NLGN1: variants seen among roughly 807,000 people sequenced by gnomAD.
NLGN1 encodes neuroligin-1.
In NLGN1, 12 loss-of-function variants were observed where a neutral mutation model predicts 65.5. The ratio of observed to expected loss-of-function variants is 0.18; its 90% CI spans 0.12 to 0.30. NLGN1 has a LOEUF of 0.30. Among genes scored for constraint, NLGN1 ranks in the 10% least tolerant of loss-of-function variants. NLGN1 has a pLI of 1.00. For synonymous variants in NLGN1, 350 were observed against 359.5 expected (o/e 0.97, Z 0.30); for missense variants, 750 against 1,007.1 (o/e 0.74, Z 3.46).
chr3:174,254,288 TA>T (rs1745264513), intron 4 of NLGN1, among the ~76,000 whole-genome samples: 1 of 150,348 alleles, frequency 6.7e-6, no homozygotes, highest in Non-Finnish European at 1.5e-5. Flanking sequence ...TGTGATTTCT[TA>T]GGAAAAGTCC....
At chr3:173,600,171 A>G (rs1750203472) in intron 2 of NLGN1, among the ~76,000 whole-genome samples, 1 of 121,336 alleles carries the variant, frequency 8.2e-6, no homozygotes, top group Admixed American at 8.7e-5. Flanking sequence ...GTATGTGGGT[A>G]TATCTATGTA....
intron 4 of NLGN1, 96 bp downstream of exon 4, chr3:173,807,928 C>A: frequency 3.9e-6 from 5 of 1,294,494 alleles, no homozygotes; most frequent in South Asian, 1.3e-5. Context: ...TTGTTTCACC[C>A]ATTTTTTTAT....
intron 2 of NLGN1, among the ~76,000 whole-genome samples, chr3:173,535,879 T>G (rs1030379666): frequency 1.3e-5 from 2 of 152,164 alleles, no homozygotes; most frequent in East Asian, 1.9e-4. Flanking sequence ...CACAGATGAA[T>G]TTTGATAGAA....
At chr3:174,179,184 T>G (rs1321654836) in intron 4 of NLGN1, among the ~76,000 whole-genome samples, 1 of 152,136 alleles carries the variant, frequency 6.6e-6, no homozygotes. Context: ...AATACTATTT[T>G]AAACTATTAA....
chr3:173,830,018 G>C (rs1346599154), intron 4 of NLGN1, among the ~76,000 whole-genome samples: 2 of 115,982 alleles, frequency 1.7e-5, no homozygotes, highest in Non-Finnish European at 3.7e-5. Flanking sequence ...GGGGGGGGGA[G>C]GGAGAGAATA....
rs1712227379 is a variant in NLGN1 at position 173,789,756 on chromosome 3, T to C, written c.494-17924T>C. On this transcript the variant is annotated intron_variant, in intron 3 of 6. Coordinates refer to ENST00000457714, the Ensembl canonical transcript of NLGN1. ...TTCACAATCTGGGCATAATGTACGG[T>C]GTTCCACACTCCGCCCATCCTTCCT... The C allele has an allele frequency of 1.6e-5, 7 of 444,894 alleles. 1 individual carries two copies. Among genetic ancestry groups the C allele is most frequent in the South Asian group, 1.1e-4 (7 of 61,782 alleles). 27.6% of individuals were successfully genotyped at this position (444,894 alleles called of 1,614,324 possible). A position where few individuals can be genotyped will look rare whatever the true frequency, so the allele number is the denominator to read the frequency against.
At chr3:173,559,651 CT>C (rs1223271563) in intron 2 of NLGN1, among the ~76,000 whole-genome samples, 1 of 152,124 alleles carries the variant, frequency 6.6e-6, no homozygotes, top group Non-Finnish European at 1.5e-5. Flanking sequence ...CAAGTAAATA[CT>C]TTAAATCAAA....
chr3:174,160,796 T>C (rs1726347771), intron 4 of NLGN1, among the ~76,000 whole-genome samples: 1 of 151,626 alleles, frequency 6.6e-6, no homozygotes, highest in Non-Finnish European at 1.5e-5. Flanking sequence ...TCAGTTCTTT[T>C]AATTATTTTA....
intron 3 of NLGN1, chr3:173,789,915 C>CA (rs1210640136): frequency 3.9e-6 from 2 of 507,938 alleles, no homozygotes; most frequent in Non-Finnish European, 7.9e-6. Context: ...CTATTGAGGA[C>CA]AAGGCACCTG....
At chr3:173,861,608 A>G (rs956434130) in intron 4 of NLGN1, among the ~76,000 whole-genome samples, 3 of 151,322 alleles carry the variant, frequency 2.0e-5, no homozygotes, top group African/African-American at 7.3e-5. Context: ...GTATGTATAT[A>G]TACATATAAT....
At chr3:173,648,880 A>G (rs895110963) in intron 3 of NLGN1, among the ~76,000 whole-genome samples, 3 of 152,090 alleles carry the variant, frequency 2.0e-5, no homozygotes, top group African/African-American at 7.2e-5. Context: ...CAGCCCTACT[A>G]TAAGATCCAA....
At chr3:174,028,817 A>G (rs111991452) in intron 4 of NLGN1, among the ~76,000 whole-genome samples, 13 of 152,222 alleles carry the variant, frequency 8.5e-5, no homozygotes, top group Non-Finnish European at 1.0e-4. Flanking sequence ...AGAGGTATTC[A>G]TGGCAGCCCC....
chr3:173,561,586 T>A (rs1206821427), intron 2 of NLGN1, among the ~76,000 whole-genome samples: 1 of 152,172 alleles, frequency 6.6e-6, no homozygotes, highest in Non-Finnish European at 1.5e-5. Context: ...ATTAAATATA[T>A]GTGGTAATAA....
intron 4 of NLGN1, among the ~76,000 whole-genome samples, chr3:174,142,326 T>C (rs1479190815): frequency 1.3e-5 from 2 of 152,220 alleles, no homozygotes; most frequent in African/African-American, 2.4e-5. Flanking sequence ...TCTTTCTTGA[T>C]TGGCATTTAG....
chr3:173,914,135 T>C (rs1740234381), intron 4 of NLGN1, among the ~76,000 whole-genome samples: 1 of 152,180 alleles, frequency 6.6e-6, no homozygotes. Context: ...CCCTAGGTAC[T>C]CCAACAGCCA....
chr3:173,728,128 T>G (rs532842694), intron 3 of NLGN1, among the ~76,000 whole-genome samples: 38 of 152,226 alleles, frequency 2.5e-4, no homozygotes, highest in Admixed American at 7.9e-4. Context: ...GTGGTTATAC[T>G]CATGTTAGTG....
At chr3:173,545,194 C>T (rs1190454924) in intron 2 of NLGN1, among the ~76,000 whole-genome samples, 2 of 152,146 alleles carry the variant, frequency 1.3e-5, no homozygotes, top group Admixed American at 1.3e-4. Flanking sequence ...CCTGCCTCAA[C>T]CTCCCAAGTA....
intron 4 of NLGN1, among the ~76,000 whole-genome samples, chr3:174,221,004 G>C (rs935617813): frequency 9.9e-5 from 15 of 152,132 alleles, no homozygotes; most frequent in Non-Finnish European, 1.9e-4. Flanking sequence ...AAGCCCTAAG[G>C]GTTGAAGAAA....
intron 4 of NLGN1, among the ~76,000 whole-genome samples, chr3:173,969,300 AT>A (rs1285029385): frequency 6.6e-6 from 1 of 152,148 alleles, no homozygotes; most frequent in Non-Finnish European, 1.5e-5. Context: ...ATGCCAGTTC[AT>A]TTGGAGAAAC....
Sources: gnomAD v4.1 joint callset for allele counts (sites outside exome capture counted in the v4.1 genomes callset) on GRCh38, gnomAD v4.1.1 for gene constraint, MANE v1.5 for transcripts, NCBI Gene and HGNC (gene_info 2026-07-23, HGNC 2026-07-21) for gene names.